ROBO1: variants seen among roughly 807,000 people sequenced by gnomAD.
The protein encoded by ROBO1 is roundabout homolog 1.
ROBO1 carries 149 observed loss-of-function variants against 195.9 expected under a neutral mutation model. That is an observed-to-expected ratio of 0.76 (90% CI 0.67 to 0.87). The LOEUF (loss-of-function observed/expected upper bound fraction) is 0.87. Ranked by LOEUF, ROBO1 falls within the 40% of genes least tolerant of loss-of-function variation. ROBO1 has a pLI of 0.00. For synonymous variants in ROBO1, 816 were observed against 733.2 expected, an observed-to-expected ratio of 1.11 and a Z score of -1.82; for missense variants, 1,933 against 2,068.3, an observed-to-expected ratio of 0.93 and a Z score of 1.27.
intron 8 of ROBO1, among the ~76,000 whole-genome samples, chr3:78,710,202 T>G (rs1449494332): frequency 6.6e-6 from 1 of 152,162 alleles, no homozygotes; most frequent in Non-Finnish European, 1.5e-5. Flanking sequence ...CCCATGTCGC[T>G]GGGACTACAG....
chr3:79,629,427 A>C (rs967842775), intron 1 of ROBO1, among the ~76,000 whole-genome samples: 4 of 152,132 alleles, frequency 2.6e-5, no homozygotes, highest in Non-Finnish European at 5.9e-5. Flanking sequence ...AAATTAAGGC[A>C]AAACATTTTA....
chr3:78,941,311 A>G (rs1234474027), intron 3 of ROBO1, among the ~76,000 whole-genome samples: 2 of 152,182 alleles, frequency 1.3e-5, no homozygotes, highest in Non-Finnish European at 2.9e-5. Context: ...TTGGAAACTT[A>G]TACTCTCTAA....
chr3:79,625,423 GAAA>G lies in ROBO1; in HGVS notation c.-50-35465_-50-35463del. On this transcript the variant is annotated intron_variant, in intron 1 of 30. Transcript: ENST00000464233. ...AAGTAATCCAGTAGCTGTTTTTTTT[GAAA>G]AAAAAAAAAAAAAAAAAAGCAAAAT... 0.029 allele frequency among the ~76,000 whole-genome samples: 401 copies of G among 13,878 alleles called. 3 individuals carry two copies. In the East Asian group the frequency reaches 0.29, roughly 10 times the overall value. The allele number at this position is 13,878 out of a possible 152,430, so 9.1% of individuals were successfully genotyped here.
At chr3:78,673,509 A>G (rs1346681338) in intron 10 of ROBO1, among the ~76,000 whole-genome samples, 1 of 139,612 alleles carries the variant, frequency 7.2e-6, no homozygotes, top group Non-Finnish European at 1.5e-5. Flanking sequence ...AATATATAAA[A>G]TAATATATAA....
At chr3:79,593,601 A>AT (rs57655866) in intron 1 of ROBO1, among the ~76,000 whole-genome samples, 26,297 of 149,602 alleles carry the variant, frequency 0.18, 3,685 homozygotes, top group African/African-American at 0.39. Context: ...GAGTTTAAGA[A>AT]TTTTTTTTTT....
At chr3:78,998,794 A>G (rs1434406856) in intron 3 of ROBO1, among the ~76,000 whole-genome samples, 1 of 152,060 alleles carries the variant, frequency 6.6e-6, no homozygotes, top group African/African-American at 2.4e-5. Flanking sequence ...GCCTAATCCA[A>G]CTTCCATGCT....
chr3:79,090,241 T>G (rs1230074506), intron 3 of ROBO1, among the ~76,000 whole-genome samples: 8 of 152,040 alleles, frequency 5.3e-5, no homozygotes, highest in African/African-American at 1.9e-4. Context: ...CCTGGCCCAT[T>G]TATTCATTTT....
chr3:79,382,763 TC>T (rs2036616079), intron 2 of ROBO1, among the ~76,000 whole-genome samples: 1 of 152,148 alleles, frequency 6.6e-6, no homozygotes, highest in South Asian at 2.1e-4. Flanking sequence ...GATATCTATT[TC>T]CTGAAAGTAA....
At chr3:79,722,924 C>T (rs935286822) in intron 1 of ROBO1, among the ~76,000 whole-genome samples, 3 of 152,098 alleles carry the variant, frequency 2.0e-5, no homozygotes, top group African/African-American at 4.8e-5. Context: ...AGTGACTTTA[C>T]GTATAATCCT....
At chr3:79,574,860 C>A in intron 2 of ROBO1, among the ~76,000 whole-genome samples, 1 of 151,238 alleles carries the variant, frequency 6.6e-6, no homozygotes, top group South Asian at 2.1e-4. Context: ...TTGAACTCCT[C>A]CAAAAGTCAC....
intron 26 of ROBO1, among the ~76,000 whole-genome samples, chr3:78,626,017 T>C (rs1474512982): frequency 6.6e-6 from 1 of 151,796 alleles, no homozygotes; most frequent in East Asian, 1.9e-4. Context: ...CCGATTTCTG[T>C]TATCAAGGAA....
chr3:78,946,824 A>G (rs191295034), intron 3 of ROBO1, among the ~76,000 whole-genome samples: 16,421 of 152,034 alleles, frequency 0.11, 2,198 homozygotes, highest in African/African-American at 0.32. Flanking sequence ...AGGGATGGAG[A>G]AAGATCTACC....
chr3:79,480,986 ATTTTAACACAC>A (rs1162354264), intron 2 of ROBO1, among the ~76,000 whole-genome samples: 1 of 152,076 alleles, frequency 6.6e-6, no homozygotes, highest in East Asian at 1.9e-4. Flanking sequence ...TACATTTCCT[ATTTTAACACAC>A]AGTAACTAAT....
intron 8 of ROBO1, among the ~76,000 whole-genome samples, chr3:78,708,932 TG>T (rs1174326670): frequency 2.0e-5 from 3 of 152,128 alleles, no homozygotes; most frequent in African/African-American, 7.2e-5. Flanking sequence ...AAAATAACAA[TG>T]TAATAAATCA....
intron 2 of ROBO1, among the ~76,000 whole-genome samples, chr3:79,145,834 TA>T (rs1316437108): frequency 6.6e-6 from 1 of 151,876 alleles, no homozygotes; most frequent in African/African-American, 2.4e-5. Flanking sequence ...TAACACGAAT[TA>T]AATAAAATAA....
intron 2 of ROBO1, among the ~76,000 whole-genome samples, chr3:79,345,664 G>A (rs939238853): frequency 6.6e-6 from 1 of 152,010 alleles, no homozygotes; most frequent in Non-Finnish European, 1.5e-5. Flanking sequence ...CCCTACCACA[G>A]CCACTTTCTA....
intron 4 of ROBO1, among the ~76,000 whole-genome samples, chr3:78,903,192 T>C (rs1476443429): frequency 1.3e-5 from 2 of 152,274 alleles, no homozygotes; most frequent in East Asian, 3.9e-4. Context: ...TTTATTAATA[T>C]AATCCTCAAA....
chr3:79,460,084 T>A (rs2039755681), intron 2 of ROBO1, among the ~76,000 whole-genome samples: 1 of 152,144 alleles, frequency 6.6e-6, no homozygotes, highest in Admixed American at 6.5e-5. Flanking sequence ...AAGACATCAG[T>A]TCCTTTTATA....
chr3:79,557,767 T>TTTTTTTATA (rs1942765970), intron 2 of ROBO1, among the ~76,000 whole-genome samples: 1 of 147,544 alleles, frequency 6.8e-6, no homozygotes, highest in Non-Finnish European at 1.5e-5. Flanking sequence ...TATATATATT[T>TTTTTTTATA]TATTGCAATT....
Sources: gnomAD v4.1 joint callset for allele counts (sites outside exome capture counted in the v4.1 genomes callset) on GRCh38, gnomAD v4.1.1 for gene constraint, MANE v1.5 for transcripts, NCBI Gene and HGNC (gene_info 2026-07-23, HGNC 2026-07-21) for gene names.